DLC1: variants seen among roughly 807,000 people sequenced by gnomAD.
DLC1 encodes the protein rho GTPase-activating protein 7.
In DLC1, 54 loss-of-function variants were observed where a neutral mutation model predicts 140.3. The observed-to-expected ratio is 0.38, with a 90% CI of 0.31 to 0.48. The LOEUF is 0.48. DLC1 is among the 20% of genes least tolerant of loss of function. The pLI, the probability that DLC1 is intolerant of heterozygous loss-of-function variation, is 0.96. For missense variants in DLC1, 2,536 were observed against 1,907.0 expected (o/e 1.33, Z -6.14); for synonymous variants, 986 against 728.1 (o/e 1.35, Z -5.70).
At chr8:13,165,153 G>A (rs1825019488) in intron 5 of DLC1, among the ~76,000 whole-genome samples, 1 of 152,130 alleles carries the variant, frequency 6.6e-6, no homozygotes, top group Non-Finnish European at 1.5e-5. Flanking sequence ...TAGTATAACT[G>A]TGTCCTATGC....
At chr8:13,422,168 T>C (rs1362519691) in intron 2 of DLC1, among the ~76,000 whole-genome samples, 1 of 152,076 alleles carries the variant, frequency 6.6e-6, no homozygotes, top group Non-Finnish European at 1.5e-5. Context: ...AAATATTATG[T>C]TTTGAAGGGT....
At chr8:13,560,974 AT>A (rs1326203407) in intron 1 of DLC1, among the ~76,000 whole-genome samples, 1 of 152,022 alleles carries the variant, frequency 6.6e-6, no homozygotes, top group African/African-American at 2.4e-5. Flanking sequence ...TTATATATAT[AT>A]TTTTTAATTA....
chr8:13,377,845 C>T (rs575606691), intron 4 of DLC1, among the ~76,000 whole-genome samples: 7 of 151,742 alleles, frequency 4.6e-5, no homozygotes, highest in Non-Finnish European at 1.0e-4. Flanking sequence ...CCTCCTATTT[C>T]GAGTCTTGTG....
At chr8:13,491,496 A>T (rs1001737124) in intron 2 of DLC1, among the ~76,000 whole-genome samples, 4 of 152,188 alleles carry the variant, frequency 2.6e-5, no homozygotes, top group Non-Finnish European at 5.9e-5. Context: ...AAATTAAATG[A>T]TAAAATATAC....
intron 5 of DLC1, among the ~76,000 whole-genome samples, chr8:13,136,681 C>A (rs571366686): frequency 2.0e-5 from 3 of 152,276 alleles, no homozygotes; most frequent in Admixed American, 6.5e-5. Flanking sequence ...ACTACAGGTG[C>A]GTGCCACCAC....
intron 1 of DLC1, among the ~76,000 whole-genome samples, chr8:13,597,758 C>G (rs966178701): frequency 1.3e-5 from 2 of 152,066 alleles, no homozygotes; most frequent in Admixed American, 1.3e-4. Context: ...ATCTCACTAT[C>G]TTGCTAACCC....
At chr8:13,489,407 C>T (rs1022844312) in intron 2 of DLC1, among the ~76,000 whole-genome samples, 3 of 22,780 alleles carry the variant, frequency 1.3e-4, no homozygotes, top group Admixed American at 5.5e-4. Flanking sequence ...AAAACACACA[C>T]ACCATACACA....
intron 5 of DLC1, among the ~76,000 whole-genome samples, chr8:13,268,057 G>C (rs1445344019): frequency 6.6e-6 from 1 of 152,052 alleles, no homozygotes; most frequent in Non-Finnish European, 1.5e-5. Flanking sequence ...AACTCTGAGG[G>C]TAATCTATGT....
chr8:13,156,546 C>T (rs903413743), intron 5 of DLC1, among the ~76,000 whole-genome samples: 1 of 152,206 alleles, frequency 6.6e-6, no homozygotes, highest in Non-Finnish European at 1.5e-5. Context: ...AATTCTGACT[C>T]TTGAGTCATT....
intron 4 of DLC1, among the ~76,000 whole-genome samples, chr8:13,386,279 T>C (rs1472406821): frequency 1.3e-5 from 2 of 152,194 alleles, no homozygotes; most frequent in Admixed American, 1.3e-4. Flanking sequence ...GTTCATTTTT[T>C]CCCGTATTTC....
chr8:13,299,725 T>C (rs918289377), intron 5 of DLC1, among the ~76,000 whole-genome samples: 3 of 152,064 alleles, frequency 2.0e-5, no homozygotes, highest in African/African-American at 7.3e-5. Flanking sequence ...TTAGGCACAT[T>C]GAGGGGAGTT....
intron 4 of DLC1, chr8:13,338,821 C>G (rs542157249): frequency 6.6e-6 from 1 of 152,204 alleles, no homozygotes; most frequent in African/African-American, 2.4e-5. Context: ...AATTGAGTAA[C>G]AATAAATAGC....
At chr8:13,580,815 T>C (rs988688703) in intron 1 of DLC1, among the ~76,000 whole-genome samples, 16 of 152,230 alleles carry the variant, frequency 1.1e-4, no homozygotes, top group Non-Finnish European at 1.8e-4. Context: ...AGGTTTACTA[T>C]GCTCATAATC....
intron 6 of DLC1, among the ~76,000 whole-genome samples, chr8:13,111,351 A>T (rs1283796681): frequency 6.6e-6 from 1 of 152,238 alleles, no homozygotes; most frequent in Non-Finnish European, 1.5e-5. Flanking sequence ...TATGCTTTTT[A>T]AAAACAAATA....
chr8:13,208,447 C>T (rs1827776545), intron 5 of DLC1, among the ~76,000 whole-genome samples: 1 of 152,158 alleles, frequency 6.6e-6, no homozygotes. Context: ...TTATTTATCA[C>T]TTTGTTTACC....
intron 5 of DLC1, among the ~76,000 whole-genome samples, chr8:13,228,559 G>A (rs113879243): frequency 1.2e-3 from 176 of 152,038 alleles, no homozygotes; most frequent in African/African-American, 3.8e-3. Flanking sequence ...AACAAAGCAA[G>A]ACCCTGTCTC....
chr8:13,293,506 A>G (rs73665941), intron 5 of DLC1, among the ~76,000 whole-genome samples: 2,895 of 152,278 alleles, frequency 0.019, 107 homozygotes, highest in African/African-American at 0.065. Flanking sequence ...GAATGCCTGT[A>G]TGAGTTGTTT....
intron 5 of DLC1, among the ~76,000 whole-genome samples, chr8:13,189,325 A>G (rs1826607098): frequency 6.6e-6 from 1 of 152,154 alleles, no homozygotes; most frequent in African/African-American, 2.4e-5. Context: ...CAAGAAATAA[A>G]TTGCGTGCTG....
chr8:13,453,419 T>C (rs1240130249), intron 2 of DLC1, among the ~76,000 whole-genome samples: 1 of 46,762 alleles, frequency 2.1e-5, no homozygotes, highest in African/African-American at 1.4e-4. Flanking sequence ...TATATATATA[T>C]ATATGTGTAT....
Sources: gnomAD v4.1 joint callset for allele counts (sites outside exome capture counted in the v4.1 genomes callset) on GRCh38, gnomAD v4.1.1 for gene constraint, MANE v1.5 for transcripts, NCBI Gene and HGNC (gene_info 2026-07-23, HGNC 2026-07-21) for gene names.